PSMD6: variants seen among roughly 807,000 people sequenced by gnomAD.
The protein encoded by PSMD6 is 26S proteasome non-ATPase regulatory subunit 6.
PSMD6 carries 7 observed loss-of-function variants against 44.9 expected under a neutral mutation model. The ratio of observed to expected loss-of-function variants is 0.16; its 90% CI spans 0.09 to 0.29. The LOEUF is 0.29. Among genes scored for constraint, PSMD6 ranks in the 10% least tolerant of loss-of-function variants. The probability of loss-of-function intolerance (pLI) is 1.00; values close to 1 mark genes in which losing one functional copy is unlikely to be tolerated. For synonymous variants in PSMD6, 184 were observed against 172.7 expected, an observed-to-expected ratio of 1.07 and a Z score of -0.51; for missense variants, 420 against 482.6, an observed-to-expected ratio of 0.87 and a Z score of 1.21.
rs776183546 is a variant in PSMD6, at chr3:64,018,719, A to T, written c.718-12T>A. The T allele has an allele frequency of 1.1e-5, 17 of 1,543,628 alleles. No individual in the cohort carries two copies. Among genetic ancestry groups the T allele is most frequent in the African/African-American group, 7.3e-5 (5 of 68,584 alleles). ...GCTCCTTTAATGACCTAGGTATTTTAAAAAACATATATACAAAAAAAATGT... is the reference window on the plus strand; with the variant it reads ...GCTCCTTTAATGACCTAGGTATTTTTAAAAACATATATACAAAAAAAATGT... On this transcript the variant is annotated splice_polypyrimidine_tract_variant and intron_variant, in intron 4 of 7. Coordinates refer to ENST00000295901, the MANE Select transcript of PSMD6 (RefSeq NM_014814.3).
In PSMD6 at chr3:64,022,342, C is replaced by G; in HGVS notation, c.327G>C (p.Glu109Asp). ...EIRDAMMAKA[E>D]YLCRIGDKEG... ...CTTTGTCACCTATCCGGCAGAGGTA[C>G]TCGGCCTTTGCCATCATTGCATCGC... is the stretch of plus-strand genomic sequence containing the variant. Residue 109 changes from glutamate (E) to aspartate (D), a missense_variant, in exon 2 of 8, where the codon GAG becomes GAC. Transcript: ENST00000295901. The G allele has an allele frequency of 1.2e-6, 2 of 1,614,222 alleles. No individual in the cohort carries two copies. The highest frequency in any genetic ancestry group is 1.7e-6 in the Non-Finnish European group (2 of 1,180,052).
chr3:64,022,775 G>C, intron 1 of PSMD6: 2 of 1,536,132 alleles, frequency 1.3e-6, no homozygotes, highest in Non-Finnish European at 1.7e-6. Context: ...TCCTCGGTTT[G>C]CTCTTGCCGG....
At chr3:64,021,102 G>A (rs559128303) in intron 2 of PSMD6, among the ~76,000 whole-genome samples, 4 of 151,682 alleles carry the variant, frequency 2.6e-5, no homozygotes, top group South Asian at 2.1e-4. Flanking sequence ...TCATTGTCCC[G>A]GCGATTTTGT....
At chr3:64,018,747 A>C in intron 4 of PSMD6, 40 bp from the exon 5 acceptor site, 1 of 1,519,836 alleles carries the variant, frequency 6.6e-7, no homozygotes, top group Non-Finnish European at 9.0e-7. Flanking sequence ...AAAAATGTAC[A>C]TTTTAATGAT....
intron 6 of PSMD6, chr3:64,012,643 C>G (rs984037104): frequency 1.3e-5 from 2 of 152,242 alleles, no homozygotes; most frequent in African/African-American, 2.4e-5. Context: ...TCCTACCACT[C>G]CAACTATGCT....
At chr3:64,020,155 A>G (rs1422962584) in intron 2 of PSMD6, among the ~76,000 whole-genome samples, 4 of 152,210 alleles carry the variant, frequency 2.6e-5, no homozygotes, top group South Asian at 2.1e-4. Flanking sequence ...TTATCAGAAA[A>G]TAAGACTAAT....
chr3:64,021,807 G>A (rs199948903), intron 2 of PSMD6, among the ~76,000 whole-genome samples: 3 of 141,688 alleles, frequency 2.1e-5, no homozygotes, highest in African/African-American at 8.0e-5. Context: ...GTGAAACTCC[G>A]TCTCAAAAAA....
intron 6 of PSMD6, 76 bp downstream of exon 6, chr3:64,013,363 T>TA: frequency 2.2e-6 from 3 of 1,382,832 alleles, no homozygotes; most frequent in South Asian, 1.5e-5. Flanking sequence ...TGTAAACAAG[T>TA]AAAAAATTGT....
At chr3:64,013,837 C>CA (rs1406955493) in intron 5 of PSMD6, 1 of 366,220 alleles carries the variant, frequency 2.7e-6, no homozygotes, top group African/African-American at 2.1e-5. Flanking sequence ...ACATCACTAT[C>CA]AGAGCTCAGC....
At chr3:64,011,073 G>A (rs758478488) in intron 6 of PSMD6, 118 bp from the exon 7 acceptor site, 24 of 792,936 alleles carry the variant, frequency 3.0e-5, no homozygotes, top group Non-Finnish European at 4.8e-5. Flanking sequence ...CTTCAAGCTT[G>A]TTATTGCACA....
chr3:64,018,523 T>C (rs1230889556), intron 5 of PSMD6, 76 bp downstream of exon 5: 1 of 1,092,942 alleles, frequency 9.1e-7, no homozygotes, highest in African/African-American at 1.6e-5. Context: ...AGGTGAAAAA[T>C]CGTCTTAGGT....
At position 64,011,586 on chromosome 3, in the gene PSMD6, T is replaced by G. The variant is rs2075952640; in HGVS notation, c.996-631A>C. On this transcript the variant is annotated intron_variant, in intron 6 of 7. Coordinates refer to ENST00000295901, the MANE Select transcript of PSMD6 (RefSeq NM_014814.3). ...AAATTTAAAACAAGGCCTTTTTAGG[T>G]AACAACAACTAGAGCTCAGTGGTAC... is the stretch of plus-strand genomic sequence containing the variant. 2.0e-5 allele frequency: 3 copies of G among 151,654 alleles called. No homozygotes were observed. In the South Asian group the frequency reaches 6.2e-4, roughly 32 times the overall value. 9.4% of individuals were successfully genotyped at this position (151,654 alleles called of 1,614,324 possible).
intron 2 of PSMD6, among the ~76,000 whole-genome samples, chr3:64,020,462 C>T (rs2076111817): frequency 6.6e-6 from 1 of 152,256 alleles, no homozygotes; most frequent in African/African-American, 2.4e-5. Context: ...TGAAATTCTT[C>T]AAAACCTGAA....
intron 6 of PSMD6, chr3:64,011,844 AAAG>A (rs1000593505): frequency 1.3e-5 from 2 of 152,372 alleles, no homozygotes; most frequent in African/African-American, 4.8e-5. Flanking sequence ...AGAGCTGGAA[AAAG>A]AAGCAAAGCC....
chr3:64,023,746 G>T (rs538743163), upstream of PSMD6: 7 of 1,479,758 alleles, frequency 4.7e-6, no homozygotes, highest in Middle Eastern at 3.4e-4. Context: ...GTAACTGATG[G>T]GAGCTTAAAA....
At position 64,023,219 on chromosome 3, in the gene PSMD6, G is replaced by A. The variant is rs1437194131; in HGVS notation, c.145+56C>T. The A allele has an allele frequency of 1.7e-5, 25 of 1,493,260 alleles. No homozygotes were observed. The South Asian group carries it at 2.6e-4, about 16-fold the overall frequency. The allele number at this position is 1,493,260 out of a possible 1,614,324, so 92.5% of individuals were successfully genotyped here. A position where few individuals can be genotyped will look rare whatever the true frequency, so the allele number is the denominator to read the frequency against. On this transcript the variant is annotated intron_variant, in intron 1 of 7. Coordinates refer to ENST00000295901, the MANE Select transcript of PSMD6 (RefSeq NM_014814.3). ...TCAAAAAAAGTCCCCGCAGGCTCCG[G>A]AACGCGGGGACGGCCCAGGCCTAGG...
At chr3:64,020,030 A>C (rs1281159848) in intron 2 of PSMD6, 3 of 152,226 alleles carry the variant, frequency 2.0e-5, no homozygotes, top group Non-Finnish European at 4.4e-5. Context: ...CCTAGCACTA[A>C]GATCTTGGTT....
Position 64,023,358 on chromosome 3 carries a change from T to A in PSMD6, c.62A>T (p.Gln21Leu), listed in dbSNP as rs1275915447. The A allele has an allele frequency of 6.2e-7, 1 of 1,611,700 alleles. No homozygotes were observed. Among genetic ancestry groups the A allele is most frequent in the African/African-American group, 1.3e-5 (1 of 74,868 alleles). Residue 21 changes from glutamine (Q) to leucine (L), a missense_variant, in exon 1 of 8, where the codon CAG (glutamine) becomes CTG (leucine). Transcript: ENST00000295901. ...GGGCAGGCTGAGCAGGAAGCGCAGC[T>A]GCGCGATACGCAAGTCGGGGTTCTT... ...LPKNPDLRIA[Q>L]LRFLLSLPEH... is the part of the protein sequence containing the mutation.
chr3:64,023,767 A>C (rs2076173296), upstream of PSMD6: 1 of 1,472,900 alleles, frequency 6.8e-7, no homozygotes, highest in Non-Finnish European at 9.2e-7. Flanking sequence ...TTTTTTGAAA[A>C]CTGAAAATGT....
Sources: allele counts gnomAD v4.1 joint callset (sites outside exome capture counted in the v4.1 genomes callset), GRCh38; gene constraint gnomAD v4.1.1; transcripts MANE v1.5; gene names NCBI Gene and HGNC (gene_info 2026-07-23, HGNC 2026-07-21).